The following DDX60L variants were observed in gnomAD, a reference collection of about 807,000 sequenced individuals.
DDX60L encodes probable ATP-dependent RNA helicase DDX60-like.
A neutral mutation model predicts 211.6 loss-of-function variants in DDX60L; 191 were observed. That is an observed-to-expected ratio of 0.90 (90% CI 0.80 to 1.02). DDX60L has a LOEUF of 1.02. Ranked by LOEUF, DDX60L falls within the 50% of genes least tolerant of loss-of-function variation. The probability of loss-of-function intolerance (pLI) is 0.00; values close to 1 mark genes in which losing one functional copy is unlikely to be tolerated. For synonymous variants in DDX60L, 706 were observed against 694.1 expected, an observed-to-expected ratio of 1.02 and a Z score of -0.27; for missense variants, 2,007 against 1,984.1, an observed-to-expected ratio of 1.01 and a Z score of -0.22.
At chr4:168,445,636 T>C (rs13110577) in intron 9 of DDX60L, among the ~76,000 whole-genome samples, 43,920 of 151,654 alleles carry the variant, frequency 0.29, 8,012 homozygotes, top group East Asian at 0.62. Flanking sequence ...CTCAATAAAA[T>C]ACTGGCAAAA....
intron 13 of DDX60L, among the ~76,000 whole-genome samples, chr4:168,428,802 T>C (rs1751874347): frequency 1.3e-5 from 2 of 152,204 alleles, no homozygotes; most frequent in Non-Finnish European, 2.9e-5. Context: ...CTACCGTTTG[T>C]TCAGTTATAA....
Position 168,406,025 on chromosome 4 carries a change from C to G in DDX60L, c.3138G>C (p.Lys1046Asn). The G allele has an allele frequency of 6.2e-7, 1 of 1,603,752 alleles. No homozygotes were observed. The highest frequency in any genetic ancestry group is 8.5e-7 in the Non-Finnish European group (1 of 1,176,110). Residue 1046 changes from lysine (K) to asparagine (N), a missense_variant, in exon 24 of 38, where the codon AAG becomes AAC. Transcript: ENST00000682922. ...ILFKNKIVIK[K>N]LDARKYEENL... is the part of the protein sequence containing the mutation. ...TTTCTTCATATTTTCTAGCATCCAA[C>G]TTCTTAATGACTATCTTATTCTTAA... is the stretch of plus-strand genomic sequence containing the variant.
At chr4:168,467,195 C>T (rs1758100125) in intron 4 of DDX60L, among the ~76,000 whole-genome samples, 1 of 151,906 alleles carries the variant, frequency 6.6e-6, no homozygotes, top group South Asian at 2.1e-4. Flanking sequence ...GATTGCTTGA[C>T]CTTGGGAGTT....
Position 168,427,220 on chromosome 4 carries a change from C to T in DDX60L, c.1780G>A (p.Glu594Lys). 6.2e-7 allele frequency: 1 copy of T among 1,613,702 alleles called. No homozygotes were observed. Among genetic ancestry groups the T allele is most frequent in the Non-Finnish European group, 8.5e-7 (1 of 1,179,746 alleles). The change falls in exon 14 of 38, where the codon GAA (glutamate) becomes AAA (lysine). Residue 594 changes from glutamate to lysine, a missense_variant. Transcript: ENST00000682922. Reference protein sequence around the residue: ...QQNDDLLFSIEEEMKNNLHSG... With the variant: ...QQNDDLLFSIKEEMKNNLHSG... ...TGTAAATTGTTCTTCATCTCCTCTT[C>T]AATAGAAAACAGCAGATCATCGTTT... is the stretch of plus-strand genomic sequence containing the variant.
At chr4:168,446,829 T>A in intron 9 of DDX60L, among the ~76,000 whole-genome samples, 1 of 117,246 alleles carries the variant, frequency 8.5e-6, no homozygotes, top group East Asian at 2.4e-4. Context: ...GCTAGCCATA[T>A]GTAGAAAGCT....
At chr4:168,358,524 C>CTTTTTTTTTTTTTTTTTTTTTTTT (rs70961514) in intron 37 of DDX60L, among the ~76,000 whole-genome samples, 7 of 108,304 alleles carry the variant, frequency 6.5e-5, no homozygotes, top group Non-Finnish European at 1.3e-4. Flanking sequence ...TTTTCTTTTT[C>CTTTTTTTTTTTTTTTTTTTTTTTT]TTTTTTTTTT....
chr4:168,477,371 C>T (rs9998944), intron 1 of DDX60L, among the ~76,000 whole-genome samples: 12,172 of 151,478 alleles, frequency 0.08, 1,108 homozygotes, highest in African/African-American at 0.23. Flanking sequence ...GCCGAGATCA[C>T]GCCACTGCAC....
At chr4:168,419,533 C>T in intron 18 of DDX60L, 136 bp from the exon 19 acceptor site, 2 of 504,004 alleles carry the variant, frequency 4.0e-6, no homozygotes, top group South Asian at 6.8e-5. Context: ...TGACGTTTTT[C>T]ATTTAAGTCT....
chr4:168,404,800 C>T (rs1447840491), intron 24 of DDX60L, among the ~76,000 whole-genome samples: 2 of 152,054 alleles, frequency 1.3e-5, no homozygotes, highest in African/African-American at 4.8e-5. Context: ...AATTCCTTTA[C>T]ATAATATACA....
At chr4:168,358,903 A>T (rs2149580297) in intron 37 of DDX60L, among the ~76,000 whole-genome samples, 1 of 152,272 alleles carries the variant, frequency 6.6e-6, no homozygotes, top group South Asian at 2.1e-4. Flanking sequence ...TAGAAGTGTT[A>T]TTCAACTTCT....
intron 30 of DDX60L, among the ~76,000 whole-genome samples, chr4:168,381,140 A>G (rs1742877021): frequency 6.6e-6 from 1 of 152,264 alleles, no homozygotes; most frequent in East Asian, 1.9e-4. Context: ...AGCAGAGTAT[A>G]AATCTGAAAA....
At chr4:168,448,542 AG>A in intron 9 of DDX60L, 95 bp downstream of exon 9, 1 of 954,654 alleles carries the variant, frequency 1.0e-6, no homozygotes, top group Non-Finnish European at 1.5e-6. Context: ...AAGGTTTTCA[AG>A]AAACAAAAAT....
chr4:168,387,301 C>G (rs145756960), intron 29 of DDX60L, among the ~76,000 whole-genome samples: 3 of 152,284 alleles, frequency 2.0e-5, no homozygotes, highest in African/African-American at 7.2e-5. Flanking sequence ...AATCTCCACT[C>G]CTAGCTGTTT....
At position 168,420,674 on chromosome 4, in the gene DDX60L, TAGATAGATAGACAGAC is replaced by T. The variant is rs922199746; in HGVS notation, c.2395-310_2395-295del. Among the ~76,000 whole-genome samples the T allele has an allele frequency of 2.1e-4, 29 of 135,578 alleles. No homozygotes were observed. In the East Asian group the frequency reaches 5.3e-3, roughly 25 times the overall value. 88.9% of individuals were successfully genotyped at this position (135,578 alleles called of 152,430 possible). A position where few individuals can be genotyped will look rare whatever the true frequency, so the allele number is the denominator to read the frequency against. ...ATAGATAGATAGATAGATAGATAGA[TAGATAGATAGACAGAC>T]AGACAGACAGACAGATATTACATAT... is the stretch of plus-strand genomic sequence containing the variant. On this transcript the variant is annotated intron_variant, in intron 17 of 37. Transcript: ENST00000682922.
In DDX60L at chr4:168,422,507, A is replaced by G. The variant is rs182661492; in HGVS notation, c.2244+17T>C. On this transcript the variant is annotated intron_variant, in intron 16 of 37. Coordinates refer to ENST00000682922, the MANE Select transcript of DDX60L (RefSeq NM_001012967.3). Reference sequence around the variant, plus strand: ...AAGTCACACTGATTAGAAAAGTACAATGTTTGTTGTCATTACCTGCCATGC... The same window carrying G: ...AAGTCACACTGATTAGAAAAGTACAGTGTTTGTTGTCATTACCTGCCATGC... 1.8e-5 allele frequency: 29 copies of G among 1,600,946 alleles called. No individual in the cohort carries two copies. The Admixed American group carries it at 3.7e-4, about 20-fold the overall frequency.
At chr4:168,442,292 C>A (rs967993905) in intron 9 of DDX60L, among the ~76,000 whole-genome samples, 1 of 152,172 alleles carries the variant, frequency 6.6e-6, no homozygotes, top group South Asian at 2.1e-4. Flanking sequence ...TGCACTTTTG[C>A]GACGGGCTTA....
intron 9 of DDX60L, among the ~76,000 whole-genome samples, chr4:168,446,460 G>A (rs1487652254): frequency 6.6e-6 from 1 of 152,202 alleles, no homozygotes; most frequent in Non-Finnish European, 1.5e-5. Context: ...ACTGCCCAAG[G>A]TGATTTACAG....
Position 168,396,941 on chromosome 4 carries a change from G to A in DDX60L, c.3492-817C>T, listed in dbSNP as rs369844335. Among the ~76,000 whole-genome samples, 7 of 152,188 alleles carry A rather than the reference G, an allele frequency of 4.6e-5. No homozygotes were observed. In the East Asian group the frequency reaches 1.3e-3, roughly 29 times the overall value. Reference sequence around the variant, plus strand: ...GTGCCCCCTCAAAACAAATTCATATGTTGAAATCCTAAACTCCATTTGTGA... The same window carrying A: ...GTGCCCCCTCAAAACAAATTCATATATTGAAATCCTAAACTCCATTTGTGA... On this transcript the variant is annotated intron_variant, in intron 26 of 37. Transcript: ENST00000682922.
At chr4:168,475,783 G>A (rs1223062291) in intron 1 of DDX60L, among the ~76,000 whole-genome samples, 1 of 152,098 alleles carries the variant, frequency 6.6e-6, no homozygotes, top group Non-Finnish European at 1.5e-5. Flanking sequence ...GGGGCTTCAG[G>A]AGGTAATTAG....
Sources: gnomAD v4.1 joint callset for allele counts (sites outside exome capture counted in the v4.1 genomes callset) on GRCh38, gnomAD v4.1.1 for gene constraint, MANE v1.5 for transcripts, NCBI Gene and HGNC (gene_info 2026-07-23, HGNC 2026-07-21) for gene names.